MTUS1: variants seen among roughly 807,000 people sequenced by gnomAD.
MTUS1 encodes microtubule associated scaffold protein 1.
In MTUS1, 109 loss-of-function variants were observed where a neutral mutation model predicts 120.8. That is an observed-to-expected ratio of 0.90 (90% CI 0.77 to 1.06). The LOEUF is 1.06. MTUS1 is among the 50% of genes least tolerant of loss of function. The pLI, the probability that MTUS1 is intolerant of heterozygous loss-of-function variation, is 0.00. For synonymous variants in MTUS1, 737 were observed against 550.5 expected (o/e 1.34, Z -4.74); for missense variants, 2,210 against 1,486.3 (o/e 1.49, Z -8.01).
intron 1 of MTUS1, among the ~76,000 whole-genome samples, chr8:17,798,297 T>C (rs542675020): frequency 2.6e-5 from 4 of 152,300 alleles, no homozygotes; most frequent in African/African-American, 4.8e-5. Context: ...ATGGAAGTTC[T>C]TGCAATGAAT....
chr8:17,739,048 C>T (rs1173277929), intron 3 of MTUS1, among the ~76,000 whole-genome samples: 2 of 151,986 alleles, frequency 1.3e-5, no homozygotes, highest in Non-Finnish European at 2.9e-5. Context: ...GACGCTGAGA[C>T]AGGAGGATTT....
intron 8 of MTUS1, among the ~76,000 whole-genome samples, chr8:17,669,022 T>C (rs1811476479): frequency 6.6e-6 from 1 of 152,238 alleles, no homozygotes; most frequent in African/African-American, 2.4e-5. Context: ...TTGATTGAAG[T>C]CTAAGCACCT....
chr8:17,702,724 C>A (rs945418777), intron 6 of MTUS1, among the ~76,000 whole-genome samples: 1 of 152,128 alleles, frequency 6.6e-6, no homozygotes, highest in Non-Finnish European at 1.5e-5. Context: ...TTAAAGGCTG[C>A]ATAATACTCC....
chr8:17,737,980 A>G (rs2410508), intron 3 of MTUS1, among the ~76,000 whole-genome samples: 23,351 of 152,250 alleles, frequency 0.15, 1,906 homozygotes, highest in Middle Eastern at 0.2. Context: ...GAATGAAAAA[A>G]TAATCAGTTT....
chr8:17,757,822 C>T lies in MTUS1; in HGVS notation c.-154-1861G>A, dbSNP rs192614251. On this transcript the variant is annotated intron_variant, in intron 1 of 14. Coordinates refer to ENST00000693296, the MANE Select transcript of MTUS1 (RefSeq NM_001363059.2). ...GATTACAGGCATGAGCCACCACGCC[C>T]GGCCACTTTTGGGAAATAACTTAAA... 6.9e-3 allele frequency among the ~76,000 whole-genome samples: 1,052 copies of T among 152,258 alleles called. 4 individuals are homozygous for T. Among genetic ancestry groups the T allele is most frequent in the Non-Finnish European group, 9.6e-3 (654 of 68,038 alleles).
At chr8:17,717,830 C>G (rs1822633013) in intron 4 of MTUS1, among the ~76,000 whole-genome samples, 1 of 152,128 alleles carries the variant, frequency 6.6e-6, no homozygotes. Context: ...AACACTAGAT[C>G]AACCCGGCAC....
chr8:17,678,043 G>A (rs899183291), intron 7 of MTUS1, among the ~76,000 whole-genome samples: 1 of 152,118 alleles, frequency 6.6e-6, no homozygotes, highest in Non-Finnish European at 1.5e-5. Context: ...CATCGGATGG[G>A]AAGCAGTAAT....
intron 7 of MTUS1, among the ~76,000 whole-genome samples, chr8:17,679,462 G>A (rs1053279959): frequency 3.3e-5 from 5 of 149,906 alleles, no homozygotes; most frequent in Non-Finnish European, 7.4e-5. Flanking sequence ...CTTTACCCAT[G>A]ATTTTTTTTC....
chr8:17,713,478 C>A (rs1292930057), intron 5 of MTUS1, among the ~76,000 whole-genome samples: 1 of 151,912 alleles, frequency 6.6e-6, no homozygotes, highest in Non-Finnish European at 1.5e-5. Context: ...GAAGTCACCA[C>A]AAATTAAATA....
chr8:17,784,298 T>TTG (rs2051120141), intron 1 of MTUS1, among the ~76,000 whole-genome samples: 1 of 150,700 alleles, frequency 6.6e-6, no homozygotes, highest in Admixed American at 6.6e-5. Context: ...TACAACTGTT[T>TTG]TTTTTTTTTT....
chr8:17,678,885 A>G (rs981571298), intron 7 of MTUS1, among the ~76,000 whole-genome samples: 7 of 152,168 alleles, frequency 4.6e-5, no homozygotes, highest in Admixed American at 6.5e-5. Flanking sequence ...TACCATCAAT[A>G]CTGTTGTTCA....
intron 6 of MTUS1, among the ~76,000 whole-genome samples, chr8:17,700,415 A>G (rs1818820320): frequency 7.2e-6 from 1 of 138,572 alleles, no homozygotes; most frequent in Non-Finnish European, 1.5e-5. Context: ...GGTTGCAATC[A>G]GCAGAGATTG....
chr8:17,764,230 A>G (rs901334293), intron 1 of MTUS1, among the ~76,000 whole-genome samples: 2 of 152,156 alleles, frequency 1.3e-5, no homozygotes, highest in Non-Finnish European at 2.9e-5. Context: ...TTTAATATGA[A>G]AAAACTCTAT....
intron 10 of MTUS1, 78 bp from the exon 11 acceptor site, chr8:17,653,576 G>T: frequency 9.9e-7 from 1 of 1,013,402 alleles, no homozygotes; most frequent in South Asian, 1.5e-5. Flanking sequence ...AAAGCATATA[G>T]ATGTAGGGGT....
Position 17,739,584 on chromosome 8 carries a change from C to G in MTUS1, c.2287+4020G>C, listed in dbSNP as rs114555030. Among the ~76,000 whole-genome samples, 1,235 of 152,288 alleles carry G rather than the reference C, an allele frequency of 8.1e-3. 12 individuals are homozygous for G. Among genetic ancestry groups the G allele is most frequent in the African/African-American group, 0.028 (1,144 of 41,552 alleles). ...TTGAGATTAATAATGTGTTGGTTAACAGCATCACTGGCTGGTCTGAATCCC... is the reference window on the plus strand; with the variant it reads ...TTGAGATTAATAATGTGTTGGTTAAGAGCATCACTGGCTGGTCTGAATCCC... On this transcript the variant is annotated intron_variant, in intron 3 of 14. Transcript: ENST00000693296.
chr8:17,753,022 C>A (rs2048313398), intron 2 of MTUS1, among the ~76,000 whole-genome samples: 1 of 152,052 alleles, frequency 6.6e-6, no homozygotes, highest in South Asian at 2.1e-4. Context: ...TCTCTAGGTC[C>A]CCCCCAAATA....
At chr8:17,656,545 A>ACCCCC (rs141775374) in intron 8 of MTUS1, among the ~76,000 whole-genome samples, 2 of 105,970 alleles carry the variant, frequency 1.9e-5, no homozygotes, top group African/African-American at 6.9e-5. Flanking sequence ...AACAAACAAA[A>ACCCCC]CCCCCCCCCA....
chr8:17,689,412 A>G (rs769824234), intron 6 of MTUS1, among the ~76,000 whole-genome samples: 8 of 152,214 alleles, frequency 5.3e-5, no homozygotes, highest in Non-Finnish European at 1.0e-4. Flanking sequence ...TAGAAAGCAT[A>G]TTCGAGAATA....
At chr8:17,767,273 T>C (rs2049594116) in intron 1 of MTUS1, among the ~76,000 whole-genome samples, 1 of 151,700 alleles carries the variant, frequency 6.6e-6, no homozygotes, top group Non-Finnish European at 1.5e-5. Context: ...TTTTATATTA[T>C]GTGTCATTTC....
Sources: gnomAD v4.1 joint callset for allele counts (sites outside exome capture counted in the v4.1 genomes callset) on GRCh38, gnomAD v4.1.1 for gene constraint, MANE v1.5 for transcripts, NCBI Gene and HGNC (gene_info 2026-07-23, HGNC 2026-07-21) for gene names.